Variants in LMAN1 observed in about 807,000 individuals in gnomAD.
LMAN1 encodes the protein protein ERGIC-53.
LMAN1 carries 32 observed loss-of-function variants against 67.8 expected under a neutral mutation model. That is an observed-to-expected ratio of 0.47 (90% confidence interval 0.36 to 0.63). The LOEUF (loss-of-function observed/expected upper bound fraction) is 0.63. Ranked by LOEUF, LMAN1 falls within the 30% of genes least tolerant of loss-of-function variation. The pLI, the probability that LMAN1 is intolerant of heterozygous loss-of-function variation, is 0.00. For missense variants in LMAN1, 632 were observed against 628.2 expected, an observed-to-expected ratio of 1.01 and a Z score of -0.06; for synonymous variants, 235 against 219.3, an observed-to-expected ratio of 1.07 and a Z score of -0.63.
intron 1 of LMAN1, 74 bp from the exon 2 acceptor site, chr18:59,355,732 A>G (rs1908647470): frequency 1.7e-5 from 25 of 1,480,284 alleles, no homozygotes; most frequent in Non-Finnish European, 2.3e-5. Context: ...CCAAACTGCT[A>G]AATATACCTA....
At chr18:59,341,294 T>A (rs1908281419) in intron 8 of LMAN1, among the ~76,000 whole-genome samples, 1 of 152,026 alleles carries the variant, frequency 6.6e-6, no homozygotes, top group Non-Finnish European at 1.5e-5. Context: ...CAACACTAGA[T>A]AGATCGAGAC....
chr18:59,331,483 A>G lies in LMAN1; in HGVS notation c.1431T>C (p.Ser477=), dbSNP rs773000796. The G allele has an allele frequency of 6.2e-7, 1 of 1,611,824 alleles. No individual in the cohort carries two copies. Among genetic ancestry groups the G allele is most frequent in the South Asian group, 1.1e-5 (1 of 91,032 alleles). Residue 477 remains serine (S), a synonymous_variant, in exon 12 of 13, where the codon TCT becomes TCC. Coordinates refer to ENST00000251047, the MANE Select transcript of LMAN1 (RefSeq NM_005570.4). ...CAACAAATATAATGAAGTGGACCGT[A>G]GACAAACATGATGGAAATGGTGGTA... ...PELPPFPSCL[S]TVHFIIFVVV...
chr18:59,341,237 G>C (rs1274637601), intron 8 of LMAN1, among the ~76,000 whole-genome samples: 1 of 151,992 alleles, frequency 6.6e-6, no homozygotes, highest in Middle Eastern at 3.4e-3. Flanking sequence ...TAAAGAAAGA[G>C]AAAAACAGTA....
intron 12 of LMAN1, 72 bp downstream of exon 12, chr18:59,331,346 A>G (rs1158675935): frequency 2.8e-6 from 4 of 1,428,366 alleles, no homozygotes; most frequent in African/African-American, 1.4e-5. Context: ...ATGAACATAG[A>G]TAACTTAGTT....
intron 8 of LMAN1, among the ~76,000 whole-genome samples, chr18:59,339,867 C>T (rs1395118773): frequency 6.6e-6 from 1 of 152,120 alleles, no homozygotes; most frequent in Non-Finnish European, 1.5e-5. Context: ...TGGTCCCAGA[C>T]CCAAGGTGAA....
Position 59,330,295 on chromosome 18 carries a change from CAAATAT to C in LMAN1, c.*792_*797del, listed in dbSNP as rs1273652994. 6.6e-6 allele frequency: 1 copy of C among 152,400 alleles called. No homozygotes were observed. Among genetic ancestry groups the C allele is most frequent in the Non-Finnish European group, 1.5e-5 (1 of 67,958 alleles). The allele number at this position is 152,400 out of a possible 1,614,324, so 9.4% of individuals were successfully genotyped here. On this transcript the variant is annotated 3_prime_UTR_variant, in exon 13 of 13. Transcript: ENST00000251047. The stretch of plus-strand genomic sequence containing the variant: ...AGGGAGAAATAAATTCCTTAAGTTA[CAAATAT>C]AAATATAAAAATTATTTTCATAATA...
rs2144231009 is a variant in LMAN1 at position 59,353,295 on chromosome 18, C to A, written c.546G>T (p.Gly182=). The A allele has an allele frequency of 6.2e-7, 1 of 1,613,218 alleles. No individual in the cohort carries two copies. Among genetic ancestry groups the A allele is most frequent in the East Asian group, 2.2e-5 (1 of 44,858 alleles). ...GQIHYDHQND[G]ASQALASCQR... ...GGCAACTTGCCAAAGCTTGACTAGC[C>A]CCGTCACTATAGTGTAAGGGGGAGG... Residue 182 remains glycine, a synonymous_variant, in exon 5 of 13, where the codon GGG becomes GGT. Transcript: ENST00000251047.
At chr18:59,354,473 C>T (rs768033572) in intron 4 of LMAN1, 46 bp downstream of exon 4, 1 of 1,067,990 alleles carries the variant, frequency 9.4e-7, no homozygotes, top group Non-Finnish European at 1.5e-6. Flanking sequence ...ATAAGGATTC[C>T]AAAAAGAAGC....
intron 5 of LMAN1, among the ~76,000 whole-genome samples, chr18:59,351,020 C>T (rs1368473329): frequency 1.3e-5 from 2 of 152,196 alleles, no homozygotes; most frequent in African/African-American, 2.4e-5. Flanking sequence ...CCCCCACCAA[C>T]AGCACTTATT....
At position 59,353,315 on chromosome 18, in the gene LMAN1, G is replaced by A; in HGVS notation, c.540-14C>T. On this transcript the variant is annotated splice_polypyrimidine_tract_variant and intron_variant, in intron 4 of 12. Transcript: ENST00000251047. ...CTAGCCCCGTCACTATAGTGTAAGG[G>A]GGAGGAAAACAGACAAGACACTCAG... The A allele has an allele frequency of 6.3e-7, 1 of 1,590,690 alleles. No homozygotes were observed. The highest frequency in any genetic ancestry group is 1.1e-5 in the South Asian group (1 of 90,668).
intron 8 of LMAN1, among the ~76,000 whole-genome samples, chr18:59,340,338 T>C (rs540027371): frequency 6.6e-6 from 1 of 152,310 alleles, no homozygotes; most frequent in Non-Finnish European, 1.5e-5. Context: ...CAGCATATTG[T>C]ATTCAGAATG....
At chr18:59,339,633 T>G (rs1908242310) in intron 8 of LMAN1, among the ~76,000 whole-genome samples, 1 of 152,158 alleles carries the variant, frequency 6.6e-6, no homozygotes, top group South Asian at 2.1e-4. Context: ...ACAGCTCCAG[T>G]TGGGCACCAC....
chr18:59,345,518 C>A (rs961279834), intron 8 of LMAN1, among the ~76,000 whole-genome samples: 1 of 152,032 alleles, frequency 6.6e-6, no homozygotes, highest in Non-Finnish European at 1.5e-5. Context: ...TCACTAAAAC[C>A]AAAAATATAC....
Position 59,355,395 on chromosome 18 carries a change from C to G in LMAN1, c.395G>C (p.Gly132Ala). 2 of 1,614,062 alleles carry G rather than the reference C, an allele frequency of 1.2e-6. No homozygotes were observed. The highest frequency in any genetic ancestry group is 1.7e-6 in the Non-Finnish European group (2 of 1,179,948). Reference sequence around the variant, plus strand: ...TGATCCAAACACAGGGCCCTCCAAGCCTTGATTTTCTGCATACCAAATTGC... The same window carrying G: ...TGATCCAAACACAGGGCCCTCCAAGGCTTGATTTTCTGCATACCAAATTGC... ...GLAIWYAENQ[G>A]LEGPVFGSAD... Residue 132 changes from glycine to alanine, a missense_variant, in exon 3 of 13, where the codon GGC becomes GCC. Physicochemically the swap from Gly to Ala is moderately conservative, Grantham distance 60. Coordinates refer to ENST00000251047, the MANE Select transcript of LMAN1 (RefSeq NM_005570.4).
At chr18:59,332,281 A>G (rs765209060) in intron 11 of LMAN1, among the ~76,000 whole-genome samples, 8 of 152,126 alleles carry the variant, frequency 5.3e-5, no homozygotes, top group Non-Finnish European at 1.0e-4. Context: ...AACTAAGGGG[A>G]CAGATAATAA....
intron 10 of LMAN1, among the ~76,000 whole-genome samples, chr18:59,336,291 A>C (rs573697075): frequency 2.2e-4 from 33 of 152,348 alleles, no homozygotes; most frequent in African/African-American, 7.5e-4. Flanking sequence ...AGGGCAGAGA[A>C]AATACAAGAT....
intron 1 of LMAN1, 76 bp from the exon 2 acceptor site, chr18:59,355,734 A>G: frequency 6.8e-7 from 1 of 1,468,670 alleles, no homozygotes; most frequent in Non-Finnish European, 9.4e-7. Flanking sequence ...AAACTGCTAA[A>G]TATACCTACA....
intron 8 of LMAN1, among the ~76,000 whole-genome samples, chr18:59,340,422 C>T (rs1411088353): frequency 6.6e-6 from 1 of 151,882 alleles, no homozygotes; most frequent in African/African-American, 2.4e-5. Flanking sequence ...GAAATTCCAT[C>T]AGATTAACAG....
intron 5 of LMAN1, among the ~76,000 whole-genome samples, chr18:59,350,340 G>C (rs1327515807): frequency 6.6e-6 from 1 of 152,004 alleles, no homozygotes; most frequent in Non-Finnish European, 1.5e-5. Context: ...TCAACAATCA[G>C]GAAGTTATTT....
Sources: gnomAD v4.1 joint callset for allele counts (sites outside exome capture counted in the v4.1 genomes callset) on GRCh38, gnomAD v4.1.1 for gene constraint, MANE v1.5 for transcripts, NCBI Gene and HGNC (gene_info 2026-07-23, HGNC 2026-07-21) for gene names.